Variants in PTPRM observed in about 807,000 individuals in gnomAD.
PTPRM encodes protein tyrosine phosphatase receptor type M, also known as receptor-type tyrosine-protein phosphatase mu.
Under a neutral mutation model 186.7 loss-of-function variants are expected in PTPRM, and 47 were observed. The ratio of observed to expected loss-of-function variants is 0.25; its 90% CI spans 0.20 to 0.32. The LOEUF is 0.32. Ranked by LOEUF, PTPRM falls within the 10% of genes least tolerant of loss-of-function variation. The pLI is 1.00. For synonymous variants in PTPRM, 668 were observed against 674.9 expected (o/e 0.99, Z 0.16); for missense variants, 1,494 against 1,865.0 (o/e 0.80, Z 3.66).
intron 14 of PTPRM, among the ~76,000 whole-genome samples, chr18:8,183,556 C>T (rs2093605126): frequency 6.6e-6 from 1 of 152,164 alleles, no homozygotes; most frequent in African/African-American, 2.4e-5. Flanking sequence ...GTTCATTCTC[C>T]AGGAGCCTCG....
chr18:7,731,994 C>T (rs2040668750), intron 1 of PTPRM, among the ~76,000 whole-genome samples: 1 of 152,004 alleles, frequency 6.6e-6, no homozygotes, highest in African/African-American at 2.4e-5. Context: ...CAAGAAAATT[C>T]AATAAGAAAA....
intron 1 of PTPRM, among the ~76,000 whole-genome samples, chr18:7,662,915 T>C (rs1393235457): frequency 6.6e-6 from 1 of 152,234 alleles, no homozygotes; most frequent in Non-Finnish European, 1.5e-5. Flanking sequence ...AATAACATTA[T>C]GCTGAGGACC....
chr18:8,085,734 G>A lies in PTPRM; in HGVS notation c.1615G>A (p.Val539Ile), dbSNP rs760580334. 18 of 1,611,916 alleles carry A rather than the reference G, an allele frequency of 1.1e-5. No individual in the cohort carries two copies. The highest frequency in any genetic ancestry group is 1.5e-5 in the Non-Finnish European group (18 of 1,178,284). ...EIDLSNQSGRVSKLGNETHFL... is the reference protein window; with the variant it reads ...EIDLSNQSGRISKLGNETHFL... ...AGATTTATCCAATCAGAGTGGAAGA[G>A]TTTCAAAGCTGGGAAATGAAACCCA... The change falls in exon 10 of 33, where the codon GTT (valine) becomes ATT (isoleucine). Residue 539 changes from valine to isoleucine, a missense_variant. Val to Ile is a conservative substitution (Grantham distance 29, BLOSUM62 3). Around this residue, in one of 3 missense-constraint regions of PTPRM, gnomAD observed 1,107 missense variants for 1,350.2 expected, o/e 0.82. Coordinates refer to ENST00000580170, the MANE Select transcript of PTPRM (RefSeq NM_001105244.2).
intron 1 of PTPRM, among the ~76,000 whole-genome samples, chr18:7,589,729 TTA>T (rs768473690): frequency 1.3e-5 from 2 of 152,232 alleles, no homozygotes; most frequent in African/African-American, 2.4e-5. Flanking sequence ...TAAGACTTTA[TTA>T]GTCATTAATA....
intron 14 of PTPRM, among the ~76,000 whole-genome samples, chr18:8,200,764 C>A (rs1474585135): frequency 6.6e-6 from 1 of 152,138 alleles, no homozygotes. Context: ...TACCCAGATT[C>A]CCCAATTATT....
chr18:8,172,606 A>G (rs2093419329), intron 14 of PTPRM, among the ~76,000 whole-genome samples: 1 of 151,736 alleles, frequency 6.6e-6, no homozygotes, highest in Admixed American at 6.6e-5. Flanking sequence ...TTTAACAACC[A>G]CTGCTCCAGA....
chr18:8,010,995 A>G (rs750624358), intron 7 of PTPRM, among the ~76,000 whole-genome samples: 20 of 152,348 alleles, frequency 1.3e-4, no homozygotes, highest in South Asian at 2.1e-4. Context: ...AGCAAAACAT[A>G]TAAGAGGCAT....
rs182200326 is a variant in PTPRM at position 8,241,199 on chromosome 18, G to A, written c.2301-2859G>A. Among the ~76,000 whole-genome samples, 300 of 152,220 alleles carry A rather than the reference G, an allele frequency of 2.0e-3. 1 individual carries two copies. Among genetic ancestry groups the A allele is most frequent in the Middle Eastern group, 0.014 (4 of 294 alleles). On this transcript the variant is annotated intron_variant, in intron 14 of 32. Transcript: ENST00000580170. The stretch of plus-strand genomic sequence containing the variant: ...AAAAATACAAAAAAATTAGCTGGGT[G>A]TGGTGGCTCACACCTGTAGTCTCAA...
At chr18:7,851,344 G>A (rs1336245753) in intron 2 of PTPRM, among the ~76,000 whole-genome samples, 2 of 152,146 alleles carry the variant, frequency 1.3e-5, no homozygotes, top group Admixed American at 6.6e-5. Context: ...AGCCACAGAT[G>A]TAAAGAAGAG....
chr18:7,945,821 C>T (rs1367831522), intron 5 of PTPRM, among the ~76,000 whole-genome samples: 4 of 152,050 alleles, frequency 2.6e-5, no homozygotes, highest in East Asian at 1.9e-4. Context: ...ATTGGTTGAA[C>T]GAATGCCTGA....
rs530385681 is a variant in PTPRM, at chr18:8,376,074, G to A, written c.3200G>A (p.Arg1067Lys). Residue 1067 changes from arginine to lysine, a missense_variant, in exon 25 of 33, where the codon AGA becomes AAA. Coordinates refer to ENST00000580170, the MANE Select transcript of PTPRM (RefSeq NM_001105244.2). Reference protein sequence around the residue: ...KRGVHEIREIRQFHFTGWPDH... With the variant: ...KRGVHEIREIKQFHFTGWPDH... ...GGTGTGCATGAAATCCGAGAGATCA[G>A]ACAGTTTCACTTCACTGGCTGGCCG... 3.1e-6 allele frequency: 5 copies of A among 1,613,370 alleles called. No individual in the cohort carries two copies. The South Asian group carries it at 3.3e-5, about 11-fold the overall frequency.
At chr18:7,652,934 A>G (rs1405046813) in intron 1 of PTPRM, among the ~76,000 whole-genome samples, 2 of 152,110 alleles carry the variant, frequency 1.3e-5, no homozygotes, top group African/African-American at 4.8e-5. Context: ...AAAAGGGTTC[A>G]TGCCCCAAAT....
At chr18:7,689,437 G>T (rs1033360391) in intron 1 of PTPRM, among the ~76,000 whole-genome samples, 1 of 152,166 alleles carries the variant, frequency 6.6e-6, no homozygotes, top group African/African-American at 2.4e-5. Context: ...GTGGCTTTTG[G>T]ATTTTCTCCT....
intron 13 of PTPRM, among the ~76,000 whole-genome samples, chr18:8,116,335 C>T (rs571448928): frequency 1.3e-5 from 2 of 152,326 alleles, no homozygotes; most frequent in East Asian, 1.9e-4. Context: ...CTCTTTCATG[C>T]GTGTGTTCTC....
At chr18:8,269,247 A>T (rs774980447) in intron 19 of PTPRM, among the ~76,000 whole-genome samples, 1 of 152,040 alleles carries the variant, frequency 6.6e-6, no homozygotes, top group African/African-American at 2.4e-5. Flanking sequence ...TTTTACTTCT[A>T]TACACAAACT....
intron 1 of PTPRM, among the ~76,000 whole-genome samples, chr18:7,734,405 G>A (rs2040724697): frequency 6.6e-6 from 1 of 152,142 alleles, no homozygotes; most frequent in South Asian, 2.1e-4. Context: ...TAATAAATAT[G>A]GGATCTGTTT....
At chr18:8,054,100 C>T (rs2087714842) in intron 7 of PTPRM, among the ~76,000 whole-genome samples, 4 of 151,736 alleles carry the variant, frequency 2.6e-5, no homozygotes, top group African/African-American at 7.3e-5. Flanking sequence ...CATTCTTACA[C>T]TTTTCATTTC....
intron 2 of PTPRM, among the ~76,000 whole-genome samples, chr18:7,817,057 C>T (rs1488436738): frequency 6.6e-6 from 1 of 151,518 alleles, no homozygotes; most frequent in East Asian, 1.9e-4. Context: ...TCACTGCAAC[C>T]TCTGCCTCGT....
At chr18:7,670,076 C>T (rs2039185651) in intron 1 of PTPRM, among the ~76,000 whole-genome samples, 1 of 151,932 alleles carries the variant, frequency 6.6e-6, no homozygotes, top group Non-Finnish European at 1.5e-5. Context: ...TTTCTAGTAG[C>T]CACATTTAAA....
Sources: gnomAD v4.1 joint callset for allele counts (sites outside exome capture counted in the v4.1 genomes callset) on GRCh38, gnomAD v4.1.1 for gene constraint, gnomAD v4.1.1 regional missense constraint, MANE v1.5 for transcripts, NCBI Gene and HGNC (gene_info 2026-07-23, HGNC 2026-07-21) for gene names.